Variants in TPD52L1 observed in about 807,000 individuals in gnomAD.
TPD52L1 encodes the protein tumor protein D53.
TPD52L1 carries 18 observed loss-of-function variants against 28.7 expected under a neutral mutation model. The ratio of observed to expected loss-of-function variants is 0.63; its 90% confidence interval spans 0.43 to 0.93. TPD52L1 has a LOEUF of 0.93. Ranked by LOEUF, TPD52L1 falls within the 40% of genes least tolerant of loss-of-function variation. TPD52L1 has a pLI of 0.00. For synonymous variants in TPD52L1, 75 were observed against 88.8 expected, an observed-to-expected ratio of 0.84 and a Z score of 0.88; for missense variants, 203 against 254.8, an observed-to-expected ratio of 0.80 and a Z score of 1.39.
chr6:125,171,139 A>T (rs552701556), intron 1 of TPD52L1, among the ~76,000 whole-genome samples: 2 of 152,272 alleles, frequency 1.3e-5, no homozygotes, highest in Middle Eastern at 6.8e-3. Flanking sequence ...AGAAATGCAG[A>T]TTCTTAGGCC....
intron 1 of TPD52L1, among the ~76,000 whole-genome samples, chr6:125,211,769 G>A (rs1413512538): frequency 6.6e-6 from 1 of 152,150 alleles, no homozygotes; most frequent in African/African-American, 2.4e-5. Context: ...AAACTTCACG[G>A]CAACAGGAAT....
chr6:125,208,683 G>C (rs1794320958), intron 1 of TPD52L1, among the ~76,000 whole-genome samples: 8 of 152,162 alleles, frequency 5.3e-5, no homozygotes. Context: ...GACATGTGGA[G>C]GTTTCAAGGT....
At chr6:125,261,602 ATACAT>A in intron 6 of TPD52L1, 1 of 151,934 alleles carries the variant, frequency 6.6e-6, no homozygotes, top group South Asian at 2.1e-4. Flanking sequence ...TTTTTGATAA[ATACAT>A]TACATGGCCT....
chr6:125,164,719 T>C lies in TPD52L1; in HGVS notation c.19+10749T>C, dbSNP rs576112163. 2.0e-5 allele frequency among the ~76,000 whole-genome samples: 3 copies of C among 152,200 alleles called. No homozygotes were observed. In the South Asian group the frequency reaches 6.2e-4, roughly 32 times the overall value. On this transcript the variant is annotated intron_variant, in intron 1 of 6. Transcript: ENST00000534000. ...CAACCATACTAGCAGAATAACTACTTTAAGAAAATACCTAGTAAAACTGTT... is the reference window on the plus strand; with the variant it reads ...CAACCATACTAGCAGAATAACTACTCTAAGAAAATACCTAGTAAAACTGTT...
At chr6:125,183,502 G>A (rs1792364208) in intron 1 of TPD52L1, among the ~76,000 whole-genome samples, 1 of 151,998 alleles carries the variant, frequency 6.6e-6, no homozygotes, top group African/African-American at 2.4e-5. Flanking sequence ...GAAAAGAAAT[G>A]AAATGAAATG....
chr6:125,258,153 C>G (rs1458307865), intron 6 of TPD52L1, among the ~76,000 whole-genome samples: 1 of 152,126 alleles, frequency 6.6e-6, no homozygotes, highest in African/African-American at 2.4e-5. Flanking sequence ...CCTGGAGAGT[C>G]TTTTCTTAGG....
intron 1 of TPD52L1, among the ~76,000 whole-genome samples, chr6:125,184,142 C>T (rs893697354): frequency 3.3e-5 from 5 of 152,134 alleles, no homozygotes; most frequent in African/African-American, 1.2e-4. Context: ...ATGAACAACT[C>T]TCAAACTCAA....
intron 4 of TPD52L1, 54 bp from the exon 5 acceptor site, chr6:125,253,663 T>C (rs1021942086): frequency 1.1e-5 from 16 of 1,514,640 alleles, no homozygotes; most frequent in South Asian, 6.9e-5. Context: ...CATGTACTTA[T>C]GTGTGCTCTC....
At chr6:125,236,392 A>C (rs1796262612) in intron 3 of TPD52L1, among the ~76,000 whole-genome samples, 1 of 152,202 alleles carries the variant, frequency 6.6e-6, no homozygotes, top group South Asian at 2.1e-4. Flanking sequence ...AAATGTGTTT[A>C]AAACACAATG....
chr6:125,169,807 C>T (rs954550695), intron 1 of TPD52L1, among the ~76,000 whole-genome samples: 1 of 152,188 alleles, frequency 6.6e-6, no homozygotes, highest in Non-Finnish European at 1.5e-5. Context: ...TATCATGACA[C>T]TCCTTCCTTT....
At position 125,227,779 on chromosome 6, in the gene TPD52L1, G is replaced by A. The variant is rs77323623; in HGVS notation, c.136-1339G>A. Among the ~76,000 whole-genome samples the A allele has an allele frequency of 6.0e-3, 907 of 152,316 alleles. 12 individuals are homozygous for A. The highest frequency in any genetic ancestry group is 0.02 in the African/African-American group (850 of 41,564). ...TATTCAGATTTATTTTCACAGGATA[G>A]AACAGCACTTTCCAAAATCTGAGTA... is the stretch of plus-strand genomic sequence containing the variant. On this transcript the variant is annotated intron_variant, in intron 2 of 6. Coordinates refer to ENST00000534000, the MANE Select transcript of TPD52L1 (RefSeq NM_003287.4).
At chr6:125,232,248 G>C (rs756035410) in intron 3 of TPD52L1, among the ~76,000 whole-genome samples, 7 of 152,162 alleles carry the variant, frequency 4.6e-5, no homozygotes, top group Admixed American at 6.5e-5. Context: ...CCTTTGTAGG[G>C]AAGAACCAGT....
chr6:125,207,828 T>G (rs495191), intron 1 of TPD52L1, among the ~76,000 whole-genome samples: 2 of 152,182 alleles, frequency 1.3e-5, no homozygotes, highest in Non-Finnish European at 2.9e-5. Context: ...GGCACTGTTG[T>G]GGACTAACTT....
intron 4 of TPD52L1, chr6:125,253,219 A>G (rs928968469): frequency 3.1e-5 from 5 of 162,224 alleles, no homozygotes; most frequent in Admixed American, 2.9e-4. Flanking sequence ...ATGGCCTATG[A>G]GAACTGTGTT....
chr6:125,247,218 G>A (rs545248395), intron 3 of TPD52L1, among the ~76,000 whole-genome samples: 1 of 152,164 alleles, frequency 6.6e-6, no homozygotes, highest in South Asian at 2.1e-4. Flanking sequence ...AGGGTTTTGG[G>A]AGAACTTACC....
chr6:125,196,660 G>A (rs537564055), intron 1 of TPD52L1, among the ~76,000 whole-genome samples: 2 of 152,304 alleles, frequency 1.3e-5, no homozygotes, highest in African/African-American at 4.8e-5. Flanking sequence ...TTCAAACTGT[G>A]TAGCAAATTT....
At chr6:125,192,323 T>A (rs1409214089) in intron 1 of TPD52L1, among the ~76,000 whole-genome samples, 4 of 146,646 alleles carry the variant, frequency 2.7e-5, no homozygotes, top group African/African-American at 1.0e-4. Context: ...AAAAAAATCT[T>A]TTTTTTTTTT....
chr6:125,223,410 TA>T (rs1344194264), intron 2 of TPD52L1, among the ~76,000 whole-genome samples: 1 of 152,132 alleles, frequency 6.6e-6, no homozygotes, highest in East Asian at 1.9e-4. Context: ...TTCAGCATTT[TA>T]AAAGAGGAAT....
intron 1 of TPD52L1, among the ~76,000 whole-genome samples, chr6:125,209,482 A>G (rs901051068): frequency 2.6e-5 from 4 of 152,236 alleles, no homozygotes; most frequent in Non-Finnish European, 5.9e-5. Context: ...TGGTTGAGCC[A>G]GCATCCCTGA....
Sources: allele counts gnomAD v4.1 joint callset (sites outside exome capture counted in the v4.1 genomes callset), GRCh38; gene constraint gnomAD v4.1.1; transcripts MANE v1.5; gene names NCBI Gene and HGNC (gene_info 2026-07-23, HGNC 2026-07-21).